The following DPF3 variants were observed in gnomAD, a reference collection of about 807,000 sequenced individuals.
DPF3 encodes zinc finger protein DPF3.
A neutral mutation model predicts 56.8 loss-of-function variants in DPF3; 18 were observed. That is an observed-to-expected ratio of 0.32 (90% CI 0.22 to 0.47). The LOEUF (loss-of-function observed/expected upper bound fraction) is 0.47. Among genes scored for constraint, DPF3 ranks in the 20% least tolerant of loss-of-function variants. The probability of loss-of-function intolerance (pLI) is 1.00; values close to 1 mark genes in which losing one functional copy is unlikely to be tolerated. For synonymous variants in DPF3, 188 were observed against 180.2 expected (o/e 1.04, Z -0.35); for missense variants, 403 against 488.8 (o/e 0.82, Z 1.65).
At chr14:72,727,307 G>T (rs145782291) in intron 4 of DPF3, among the ~76,000 whole-genome samples, 3,108 of 152,314 alleles carry the variant, frequency 0.02, 108 homozygotes, top group African/African-American at 0.071. Flanking sequence ...ACCAGATGCG[G>T]TGGCTCACGC....
intron 8 of DPF3, chr14:72,662,208 C>T: frequency 1.0e-6 from 1 of 985,328 alleles, no homozygotes; most frequent in Non-Finnish European, 1.2e-6. Flanking sequence ...AATAAAAATA[C>T]CTAAAGCACA....
At chr14:72,623,576 G>A (rs933251994) in intron 9 of DPF3, among the ~76,000 whole-genome samples, 5 of 152,174 alleles carry the variant, frequency 3.3e-5, no homozygotes, top group African/African-American at 4.8e-5. Flanking sequence ...CATCAAATGA[G>A]TAATTATGTT....
intron 8 of DPF3, chr14:72,661,801 GGA>G: frequency 2.0e-6 from 2 of 984,458 alleles, no homozygotes; most frequent in Non-Finnish European, 2.4e-6. Flanking sequence ...ATCTCTTCTA[GGA>G]GTTGTTAGGT....
intron 7 of DPF3, among the ~76,000 whole-genome samples, chr14:72,674,650 C>A (rs1886832871): frequency 6.6e-6 from 1 of 152,202 alleles, no homozygotes; most frequent in Admixed American, 6.5e-5. Flanking sequence ...GATGATCAAA[C>A]CATCCAGAAG....
chr14:72,757,425 G>T (rs1890885241), intron 2 of DPF3, among the ~76,000 whole-genome samples: 1 of 151,942 alleles, frequency 6.6e-6, no homozygotes, highest in South Asian at 2.1e-4. Context: ...ATACCAATTT[G>T]TCCACCCTCT....
chr14:72,867,039 T>G (rs1885702045), intron 1 of DPF3, among the ~76,000 whole-genome samples: 1 of 151,792 alleles, frequency 6.6e-6, no homozygotes, highest in South Asian at 2.1e-4. Flanking sequence ...ATACTGGTAT[T>G]TCAACAGGAC....
At chr14:72,705,362 C>G (rs1420337815) in intron 6 of DPF3, among the ~76,000 whole-genome samples, 1 of 151,988 alleles carries the variant, frequency 6.6e-6, no homozygotes, top group African/African-American at 2.4e-5. Flanking sequence ...TGCAGGAAAA[C>G]AAGCTCAGCT....
At chr14:72,871,490 G>A (rs1050456957) in intron 1 of DPF3, among the ~76,000 whole-genome samples, 1 of 152,200 alleles carries the variant, frequency 6.6e-6, no homozygotes, top group Non-Finnish European at 1.5e-5. Context: ...GGTTTACAGC[G>A]CCCAGGTAGG....
chr14:72,632,504 A>G (rs1200702252), intron 8 of DPF3, among the ~76,000 whole-genome samples: 2 of 152,142 alleles, frequency 1.3e-5, no homozygotes, highest in Admixed American at 6.5e-5. Context: ...AGTTGAAAAT[A>G]TATTTTTAAA....
chr14:72,798,347 T>A (rs1892724567), intron 1 of DPF3, among the ~76,000 whole-genome samples: 2 of 150,420 alleles, frequency 1.3e-5, no homozygotes, highest in South Asian at 4.3e-4. Flanking sequence ...TTATAATATA[T>A]CCTCTTAAGA....
chr14:72,672,246 A>G (rs974251217), intron 8 of DPF3, among the ~76,000 whole-genome samples: 2 of 152,180 alleles, frequency 1.3e-5, no homozygotes, highest in African/African-American at 4.8e-5. Context: ...TGCATTCTAA[A>G]TGAGCCCCAG....
intron 1 of DPF3, among the ~76,000 whole-genome samples, chr14:72,784,536 G>A (rs749043999): frequency 6.6e-6 from 1 of 152,090 alleles, no homozygotes; most frequent in Non-Finnish European, 1.5e-5. Flanking sequence ...TATTTTCCCA[G>A]GTTCCCATTC....
intron 1 of DPF3, among the ~76,000 whole-genome samples, chr14:72,877,347 C>T (rs899970008): frequency 2.0e-5 from 3 of 152,040 alleles, no homozygotes; most frequent in Non-Finnish European, 4.4e-5. Flanking sequence ...CTATCCAGAC[C>T]AGTTCCTCTG....
intron 6 of DPF3, among the ~76,000 whole-genome samples, chr14:72,700,995 G>A (rs969241050): frequency 1.3e-5 from 2 of 152,216 alleles, no homozygotes; most frequent in African/African-American, 4.8e-5. Flanking sequence ...AAGGAAAAGA[G>A]GGTGGGAAAA....
At chr14:72,816,691 T>C (rs1255969603) in intron 1 of DPF3, among the ~76,000 whole-genome samples, 2 of 151,870 alleles carry the variant, frequency 1.3e-5, no homozygotes, top group African/African-American at 4.8e-5. Flanking sequence ...AATGTTAAAA[T>C]GCTATGCAAA....
In DPF3 at chr14:72,756,573, G is replaced by A. The variant is rs116951457; in HGVS notation, c.194-3202C>T. Among the ~76,000 whole-genome samples, 635 of 152,232 alleles carry A rather than the reference G, an allele frequency of 4.2e-3. 1 individual carries two copies. Among genetic ancestry groups the A allele is most frequent in the South Asian group, 0.012 (58 of 4,824 alleles). ...GACGTCTGTAATCCCAGTACTTTGG[G>A]AAGCCAAGGCCAGCAGATCACTGAA... On this transcript the variant is annotated intron_variant, in intron 2 of 10. Coordinates refer to ENST00000556509, the MANE Select transcript of DPF3 (RefSeq NM_001280542.3).
rs553904667 is a variant in DPF3 at position 72,846,496 on chromosome 14, C to T, written c.32+47561G>A. On this transcript the variant is annotated intron_variant, in intron 1 of 10. Transcript: ENST00000556509. Reference sequence around the variant, plus strand: ...GACTACAGGCGCCCGCCACCACGCCCGGCTAATTTTTTTGTATTTTTAGTA... The same window carrying T: ...GACTACAGGCGCCCGCCACCACGCCTGGCTAATTTTTTTGTATTTTTAGTA... Among the ~76,000 whole-genome samples the T allele has an allele frequency of 8.5e-5, 13 of 152,070 alleles. No individual in the cohort carries two copies. In the South Asian group the frequency reaches 2.1e-3, roughly 24 times the overall value.
intron 2 of DPF3, among the ~76,000 whole-genome samples, chr14:72,768,978 A>G (rs1468266693): frequency 6.7e-6 from 1 of 149,676 alleles, no homozygotes; most frequent in Admixed American, 6.6e-5. Flanking sequence ...TGTGTAAAAT[A>G]AAGCAAATAA....
At chr14:72,637,142 A>G (rs760914703) in intron 8 of DPF3, among the ~76,000 whole-genome samples, 9 of 152,366 alleles carry the variant, frequency 5.9e-5, no homozygotes, top group Non-Finnish European at 8.8e-5. Flanking sequence ...TTAATAGGCT[A>G]AACAGCCAAG....
Sources: allele counts gnomAD v4.1 joint callset (sites outside exome capture counted in the v4.1 genomes callset), GRCh38; gene constraint gnomAD v4.1.1; transcripts MANE v1.5; gene names NCBI Gene and HGNC (gene_info 2026-07-23, HGNC 2026-07-21).